The following PNPLA6 variants were observed in gnomAD, a reference collection of about 807,000 sequenced individuals.
The protein encoded by PNPLA6 is patatin-like phospholipase domain-containing protein 6.
PNPLA6 carries 105 observed loss-of-function variants against 153.7 expected under a neutral mutation model. The ratio of observed to expected loss-of-function variants is 0.68; its 90% confidence interval spans 0.58 to 0.80. The LOEUF (loss-of-function observed/expected upper bound fraction) is 0.80. PNPLA6 is among the 30% of genes least tolerant of loss of function. The pLI, the probability that PNPLA6 is intolerant of heterozygous loss-of-function variation, is 0.00. For missense variants in PNPLA6, 1,423 were observed against 1,919.3 expected, an observed-to-expected ratio of 0.74 and a Z score of 4.83; for synonymous variants, 825 against 822.2, an observed-to-expected ratio of 1.00 and a Z score of -0.06.
At chr19:7,542,969 G>T (rs780683046) in intron 12 of PNPLA6, 38 bp from the exon 13 acceptor site, 1 of 1,613,404 alleles carries the variant, frequency 6.2e-7, no homozygotes, top group South Asian at 1.1e-5. Flanking sequence ...CGCAAGGGAG[G>T]CCTGGCTGCG....
chr19:7,541,923 C>A lies in PNPLA6; in HGVS notation c.1169-61C>A. On this transcript the variant is annotated intron_variant, in intron 9 of 31. Transcript: ENST00000600737. This position sits in a 1 kb window ranked among gnomAD's most constrained non-coding sequence, Gnocchi z 5.2. ...CAGTCGCCAGCATCTCCTTATCTCC[C>A]AACCTGCTAATCCTCCTAGTGGCTC... 1 of 1,438,632 alleles carries A rather than the reference C, an allele frequency of 7.0e-7. No homozygotes were observed. Among genetic ancestry groups the A allele is most frequent in the Non-Finnish European group, 9.7e-7 (1 of 1,028,986 alleles). 89.1% of individuals were successfully genotyped at this position (1,438,632 alleles called of 1,614,324 possible).
intron 3 of PNPLA6, among the ~76,000 whole-genome samples, chr19:7,538,373 G>A (rs986750570): frequency 6.6e-6 from 1 of 151,958 alleles, no homozygotes; most frequent in Non-Finnish European, 1.5e-5. Flanking sequence ...GTAGAGATGG[G>A]AGTCTCACTG....
chr19:7,547,370 A>C (rs997468074), intron 13 of PNPLA6, among the ~76,000 whole-genome samples: 1 of 152,160 alleles, frequency 6.6e-6, no homozygotes, highest in Non-Finnish European at 1.5e-5. Flanking sequence ...GTGGGTGTGA[A>C]GTGTAGTATG....
rs749127999 is a variant in PNPLA6 at position 7,535,759 on chromosome 19, G to A, written c.-30G>A. On this transcript the variant is annotated 5_prime_UTR_variant, in exon 1 of 32. Coordinates refer to ENST00000600737, the MANE Select transcript of PNPLA6 (RefSeq NM_001166114.2). The surrounding 1 kb of genome is among the most constrained non-coding windows in gnomAD (Gnocchi z 5.0). ...GCCTCAGGGAAGAGTCGCGCCCCCG[G>A]GGAGGGAGCAGCACTGGCCCATTCT... The A allele has an allele frequency of 8.0e-5, 122 of 1,521,206 alleles. No individual in the cohort carries two copies. The highest frequency in any genetic ancestry group is 1.0e-4 in the Non-Finnish European group (117 of 1,134,946). The allele number at this position is 1,521,206 out of a possible 1,614,324, so 94.2% of individuals were successfully genotyped here. A position where few individuals can be genotyped will look rare whatever the true frequency, so the allele number is the denominator to read the frequency against.
chr19:7,534,361 C>G, upstream of PNPLA6: 1 of 178,158 alleles, frequency 5.6e-6, no homozygotes, highest in Non-Finnish European at 1.2e-5. Flanking sequence ...TGTTCCCATA[C>G]CCCCCACGTC....
At chr19:7,549,347 C>T (rs1448336101) in intron 13 of PNPLA6, among the ~76,000 whole-genome samples, 7 of 150,872 alleles carry the variant, frequency 4.6e-5, no homozygotes, top group East Asian at 2.0e-4. Flanking sequence ...CCACCACACC[C>T]GGCTAATTTT....
intron 27 of PNPLA6, among the ~76,000 whole-genome samples, chr19:7,558,084 C>T (rs535246783): frequency 1.3e-3 from 205 of 152,356 alleles, no homozygotes; most frequent in African/African-American, 4.9e-3. Flanking sequence ...CCTGCACGTT[C>T]CCTCAAACAC....
At position 7,550,105 on chromosome 19, in the gene PNPLA6, T is replaced by G. The variant is rs1342035267; in HGVS notation, c.1807T>G (p.Phe603Val). The change falls in exon 14 of 32, where the codon TTC becomes GTC. Residue 603 changes from phenylalanine to valine, a missense_variant. Transcript: ENST00000600737. ...CTTCCTGCGGATCTCCAAGTCCGAC[T>G]TCTATGAGTATGACAGCCCGAAGTT... ...CTFLRISKSDFYEIMRAQPSV... is the reference protein window; with the variant it reads ...CTFLRISKSDVYEIMRAQPSV... 1 of 1,614,046 alleles carries G rather than the reference T, an allele frequency of 6.2e-7. No individual in the cohort carries two copies. The highest frequency in any genetic ancestry group is 2.2e-5 in the East Asian group (1 of 44,884).
intron 28 of PNPLA6, among the ~76,000 whole-genome samples, chr19:7,560,440 T>G (rs1385556964): frequency 6.6e-6 from 1 of 152,134 alleles, no homozygotes; most frequent in Admixed American, 6.6e-5. Context: ...GGAAAGAACA[T>G]GGAGAGATTG....
At position 7,542,027 on chromosome 19, in the gene PNPLA6, T is replaced by C. The variant is rs748049105; in HGVS notation, c.1212T>C (p.Pro404=). The C allele has an allele frequency of 4.4e-6, 7 of 1,607,736 alleles. No individual in the cohort carries two copies. In the East Asian group the frequency reaches 1.1e-4, roughly 26 times the overall value. The change falls in exon 10 of 32, where the codon CCT becomes CCC. Residue 404 remains proline (P), a synonymous_variant. Coordinates refer to ENST00000600737, the MANE Select transcript of PNPLA6 (RefSeq NM_001166114.2). Reference sequence around the variant, plus strand: ...CATCCCTGGAAACCCCCTCGGCCCCTCTGCTGAGCCGCTGCGTCTCCATGC... The same window carrying C: ...CATCCCTGGAAACCCCCTCGGCCCCCCTGCTGAGCCGCTGCGTCTCCATGC... ...KPTSLETPSA[P]LLSRCVSMPG... is the part of the protein sequence containing the mutation.
chr19:7,534,984 G>T, upstream of PNPLA6: 1 of 161,064 alleles, frequency 6.2e-6, no homozygotes, highest in Admixed American at 5.8e-5. Context: ...GGGCAGGCTT[G>T]CGTCGGGAGC....
At chr19:7,556,157 G>A (rs765614727) in intron 24 of PNPLA6, among the ~76,000 whole-genome samples, 9 of 144,308 alleles carry the variant, frequency 6.2e-5, no homozygotes, top group Non-Finnish European at 1.3e-4. Flanking sequence ...CCACCTCCCA[G>A]GTTCAAGTGA....
At chr19:7,550,473 G>T (rs776612502) in intron 15 of PNPLA6, 44 bp downstream of exon 15, 1 of 1,612,324 alleles carries the variant, frequency 6.2e-7, no homozygotes, top group Admixed American at 1.7e-5. Context: ...TAGGGGTGGG[G>T]ACCTGGGGGT....
rs2022863410 is a variant in PNPLA6, at chr19:7,536,237, C to T, written c.279C>T (p.Asp93=). The change falls in exon 2 of 32, where the codon GAC becomes GAT. Residue 93 remains aspartate, a synonymous_variant. Coordinates refer to ENST00000600737, the MANE Select transcript of PNPLA6 (RefSeq NM_001166114.2). ...DGPRYRFRKR[D]KVLFYGRKIM... ...CCCGGTATCGGTTCCGGAAGAGGGACAAAGTGCTCTTCTATGGCCGGAAGA... is the reference window on the plus strand; with the variant it reads ...CCCGGTATCGGTTCCGGAAGAGGGATAAAGTGCTCTTCTATGGCCGGAAGA... 1 of 1,613,922 alleles carries T rather than the reference C, an allele frequency of 6.2e-7. No individual in the cohort carries two copies. The highest frequency in any genetic ancestry group is 8.5e-7 in the Non-Finnish European group (1 of 1,179,894).
chr19:7,560,566 G>C lies in PNPLA6; in HGVS notation c.3700-82G>C, dbSNP rs1568424807. On this transcript the variant is annotated intron_variant, in intron 28 of 31. Coordinates refer to ENST00000600737, the MANE Select transcript of PNPLA6 (RefSeq NM_001166114.2). ...AACTCCCCCAGAGAATCAGGCTTTT[G>C]AGGGGCCAGAGAATGGGCAGACAGA... The C allele has an allele frequency of 7.3e-6, 7 of 961,776 alleles. No homozygotes were observed. In the South Asian group the frequency reaches 7.8e-5, roughly 11 times the overall value. 59.6% of individuals were successfully genotyped at this position (961,776 alleles called of 1,614,324 possible). A position where few individuals can be genotyped will look rare whatever the true frequency, so the allele number is the denominator to read the frequency against.
At chr19:7,553,634 G>A (rs2023747232) in intron 18 of PNPLA6, among the ~76,000 whole-genome samples, 1 of 152,236 alleles carries the variant, frequency 6.6e-6, no homozygotes, top group Non-Finnish European at 1.5e-5. Context: ...AGGGCCCAAA[G>A]TGGAGGGTAG....
intron 26 of PNPLA6, chr19:7,556,933 G>A (rs562280273): frequency 3.2e-5 from 22 of 685,682 alleles, no homozygotes; most frequent in Admixed American, 1.2e-4. Context: ...GAGACTCGTC[G>A]GACGCCTTAC....
Position 7,550,693 on chromosome 19 carries a change from G to A in PNPLA6, c.2070+53G>A, listed in dbSNP as rs1211861568. 4 of 1,600,682 alleles carry A rather than the reference G, an allele frequency of 2.5e-6. No individual in the cohort carries two copies. The South Asian group carries it at 3.3e-5, about 13-fold the overall frequency. On this transcript the variant is annotated intron_variant, in intron 16 of 31. Coordinates refer to ENST00000600737, the MANE Select transcript of PNPLA6 (RefSeq NM_001166114.2). The stretch of plus-strand genomic sequence containing the variant: ...CTGGCCTTTTCCAGGCCAGTCCCTC[G>A]ACAACTCACACACATCATCCCGGGT...
At position 7,540,917 on chromosome 19, in the gene PNPLA6, C is replaced by T. The variant is rs752778580; in HGVS notation, c.796-6C>T. 2.5e-6 allele frequency: 4 copies of T among 1,612,900 alleles called. No individual in the cohort carries two copies. In the South Asian group the frequency reaches 3.3e-5, roughly 13 times the overall value. ...TTGTCTCTCTTCACGCCCTCCCCTCCCCCAGGGTCACCAGCATCCCCAGCG... is the reference window on the plus strand; with the variant it reads ...TTGTCTCTCTTCACGCCCTCCCCTCTCCCAGGGTCACCAGCATCCCCAGCG... On this transcript the variant is annotated splice_region_variant and splice_polypyrimidine_tract_variant and intron_variant, in intron 6 of 31. Transcript: ENST00000600737. This position sits in a 1 kb window ranked among gnomAD's most constrained non-coding sequence, Gnocchi z 6.8.
Sources: gnomAD v4.1 joint callset for allele counts (sites outside exome capture counted in the v4.1 genomes callset) on GRCh38, gnomAD v4.1.1 for gene constraint, Gnocchi (gnomAD v3.1) non-coding constraint, MANE v1.5 for transcripts, NCBI Gene and HGNC (gene_info 2026-07-23, HGNC 2026-07-21) for gene names.